The following RGS17 variants were observed in gnomAD, a reference collection of about 807,000 sequenced individuals.
RGS17 encodes the protein regulator of G-protein signaling 17.
Under a neutral mutation model 25.5 loss-of-function variants are expected in RGS17, and 12 were observed. That is an observed-to-expected ratio of 0.47 (90% confidence interval 0.30 to 0.76). RGS17 has a LOEUF of 0.76. Among genes scored for constraint, RGS17 ranks in the 30% least tolerant of loss-of-function variants. RGS17 has a pLI of 0.07. For synonymous variants in RGS17, 71 were observed against 76.9 expected, an observed-to-expected ratio of 0.92 and a Z score of 0.40; for missense variants, 196 against 242.2, an observed-to-expected ratio of 0.81 and a Z score of 1.27.
At chr6:153,033,739 AAAAAT>A (rs1302578924) in intron 2 of RGS17, among the ~76,000 whole-genome samples, 2 of 152,010 alleles carry the variant, frequency 1.3e-5, no homozygotes, top group Admixed American at 6.6e-5. Context: ...ATAAATAAAT[AAAAAT>A]AAAATAAAAA....
intron 1 of RGS17, among the ~76,000 whole-genome samples, chr6:153,076,294 T>A (rs6927884): frequency 0.44 from 67,385 of 151,658 alleles, 15,490 homozygotes; most frequent in East Asian, 0.7. Flanking sequence ...ATATAAAAAT[T>A]TAAGTAAATG....
intron 1 of RGS17, among the ~76,000 whole-genome samples, chr6:153,120,444 G>A (rs1777609905): frequency 6.6e-6 from 1 of 152,072 alleles, no homozygotes; most frequent in Non-Finnish European, 1.5e-5. Flanking sequence ...AGTCTTGAAG[G>A]CTCTGACTCA....
At chr6:153,120,708 A>G (rs1472702330) in intron 1 of RGS17, among the ~76,000 whole-genome samples, 1 of 152,208 alleles carries the variant, frequency 6.6e-6, no homozygotes, top group Non-Finnish European at 1.5e-5. Flanking sequence ...AGCTGCCAGT[A>G]TATGTCTTCT....
chr6:153,052,051 T>A (rs566726895), intron 1 of RGS17, among the ~76,000 whole-genome samples: 59 of 152,288 alleles, frequency 3.9e-4, no homozygotes, highest in African/African-American at 1.3e-3. Context: ...GATTCAGAGA[T>A]CATCAGGGCT....
chr6:153,119,638 AG>A lies in RGS17; in HGVS notation c.-26+11485del, dbSNP rs199862543. On this transcript the variant is annotated intron_variant, in intron 1 of 4. Coordinates refer to ENST00000206262, the MANE Select transcript of RGS17 (RefSeq NM_012419.5). ...AACCCGGGAGGTGGAGGTTGCAGTG[AG>A]CCGAGATCACGCCATTGCACTCCAG... is the stretch of plus-strand genomic sequence containing the variant. Among the ~76,000 whole-genome samples the A allele has an allele frequency of 9.7e-3, 1,483 of 152,276 alleles. 16 individuals are homozygous for A. The highest frequency in any genetic ancestry group is 0.026 in the African/African-American group (1,072 of 41,552).
intron 1 of RGS17, among the ~76,000 whole-genome samples, chr6:153,089,528 T>C (rs992820936): frequency 2.0e-5 from 3 of 152,108 alleles, no homozygotes; most frequent in Non-Finnish European, 4.4e-5. Context: ...CATGGTACTT[T>C]AGTCTGCGTG....
At chr6:153,025,669 T>TAAAC in intron 3 of RGS17, among the ~76,000 whole-genome samples, 1 of 143,078 alleles carries the variant, frequency 7.0e-6, no homozygotes, top group African/African-American at 2.6e-5. Context: ...AACATATATA[T>TAAAC]ATAAACATAT....
intron 1 of RGS17, among the ~76,000 whole-genome samples, chr6:153,070,237 G>C (rs1776768339): frequency 6.6e-6 from 1 of 152,010 alleles, no homozygotes; most frequent in African/African-American, 2.4e-5. Context: ...TTTGGTGGGG[G>C]TGTGGGGAAG....
In RGS17 at chr6:153,007,436, C is replaced by T. The variant is rs1243088532; in HGVS notation, c.*4138G>A. 6.6e-6 allele frequency: 1 copy of T among 151,952 alleles called. No individual in the cohort carries two copies. Among genetic ancestry groups the T allele is most frequent in the East Asian group, 1.9e-4 (1 of 5,188 alleles). The allele number at this position is 151,952 out of a possible 1,614,324, so 9.4% of individuals were successfully genotyped here. On this transcript the variant is annotated 3_prime_UTR_variant, in exon 5 of 5. Transcript: ENST00000206262. ...TTAGAAAATTATGGTTGTAAACTGT[C>T]AATGTAAACAGATAGGCGAAAATAT...
intron 2 of RGS17, among the ~76,000 whole-genome samples, chr6:153,029,934 G>T (rs1485557327): frequency 1.3e-5 from 2 of 152,130 alleles, no homozygotes; most frequent in East Asian, 3.9e-4. Flanking sequence ...TTTTATGTAT[G>T]TAACATTTAA....
At chr6:153,110,425 T>TACACACACAA (rs1554244928) in intron 1 of RGS17, among the ~76,000 whole-genome samples, 6 of 144,840 alleles carry the variant, frequency 4.1e-5, no homozygotes, top group South Asian at 2.3e-4. Flanking sequence ...ACTGCCAACA[T>TACACACACAA]ACACACACAC....
chr6:153,043,398 G>T, intron 2 of RGS17, among the ~76,000 whole-genome samples: 1 of 151,634 alleles, frequency 6.6e-6, no homozygotes, highest in South Asian at 2.1e-4. Context: ...TTATTGGCAG[G>T]AATTCTGGGC....
chr6:153,065,765 T>C (rs1012328442), intron 1 of RGS17, among the ~76,000 whole-genome samples: 3 of 152,074 alleles, frequency 2.0e-5, no homozygotes, highest in African/African-American at 4.8e-5. Context: ...CCAAAACCTA[T>C]AGGATACAGT....
At chr6:153,110,570 G>A (rs1053514500) in intron 1 of RGS17, among the ~76,000 whole-genome samples, 1 of 152,156 alleles carries the variant, frequency 6.6e-6, no homozygotes, top group Non-Finnish European at 1.5e-5. Flanking sequence ...TAATAGCACA[G>A]ATAGTCTCCA....
intron 1 of RGS17, among the ~76,000 whole-genome samples, chr6:153,120,877 C>A (rs1483277734): frequency 6.6e-6 from 1 of 152,094 alleles, no homozygotes; most frequent in East Asian, 1.9e-4. Context: ...TTCTATCTTT[C>A]AATAATCCGA....
intron 1 of RGS17, among the ~76,000 whole-genome samples, chr6:153,113,516 A>C (rs1777503845): frequency 6.6e-6 from 1 of 152,216 alleles, no homozygotes; most frequent in African/African-American, 2.4e-5. Flanking sequence ...TATTAGACAG[A>C]TCAACGAGAC....
At chr6:153,083,462 T>A (rs1284495413) in intron 1 of RGS17, among the ~76,000 whole-genome samples, 1 of 152,052 alleles carries the variant, frequency 6.6e-6, no homozygotes, top group Non-Finnish European at 1.5e-5. Context: ...AATTTCTTTT[T>A]AATTTTTAAC....
chr6:153,075,031 T>C (rs930010870), intron 1 of RGS17, among the ~76,000 whole-genome samples: 5 of 152,210 alleles, frequency 3.3e-5, no homozygotes, highest in African/African-American at 1.2e-4. Flanking sequence ...GGCTGATTAT[T>C]TCACTTGGAT....
At chr6:153,107,560 C>A (rs921915232) in intron 1 of RGS17, among the ~76,000 whole-genome samples, 3 of 151,670 alleles carry the variant, frequency 2.0e-5, no homozygotes, top group African/African-American at 4.8e-5. Flanking sequence ...AATTCAAGTA[C>A]AAAATCAACT....
Sources: gnomAD v4.1 joint callset for allele counts (sites outside exome capture counted in the v4.1 genomes callset) on GRCh38, gnomAD v4.1.1 for gene constraint, MANE v1.5 for transcripts, NCBI Gene and HGNC (gene_info 2026-07-23, HGNC 2026-07-21) for gene names.